HS3ST4: variants seen among roughly 807,000 people sequenced by gnomAD.
HS3ST4 encodes the protein heparan sulfate glucosamine 3-O-sulfotransferase 4.
Under a neutral mutation model 29.2 loss-of-function variants are expected in HS3ST4, and 17 were observed. The ratio of observed to expected loss-of-function variants is 0.58; its 90% CI spans 0.40 to 0.87. The LOEUF is 0.87. Ranked by LOEUF, HS3ST4 falls within the 40% of genes least tolerant of loss-of-function variation. HS3ST4 has a pLI of 0.00. For synonymous variants in HS3ST4, 314 were observed against 285.7 expected (o/e 1.10, Z -1.00); for missense variants, 627 against 634.5 (o/e 0.99, Z 0.13).
intron 1 of HS3ST4, among the ~76,000 whole-genome samples, chr16:25,717,054 TA>T (rs370022161): frequency 2.8e-4 from 41 of 146,976 alleles, no homozygotes; most frequent in African/African-American, 4.5e-4. Flanking sequence ...AACTTTGTCT[TA>T]AAAAAAAAAG....
intron 1 of HS3ST4, among the ~76,000 whole-genome samples, chr16:26,077,640 G>A (rs1247591887): frequency 6.6e-6 from 1 of 152,238 alleles, no homozygotes; most frequent in Non-Finnish European, 1.5e-5. Flanking sequence ...ACTGCTGGAT[G>A]TCCAGTTCCC....
At chr16:25,977,641 A>G (rs568980336) in intron 1 of HS3ST4, among the ~76,000 whole-genome samples, 1 of 152,232 alleles carries the variant, frequency 6.6e-6, no homozygotes, top group Non-Finnish European at 1.5e-5. Context: ...CTGTTCCCAA[A>G]CATAACACTA....
chr16:25,760,779 C>T (rs1387891994), intron 1 of HS3ST4, among the ~76,000 whole-genome samples: 1 of 152,162 alleles, frequency 6.6e-6, no homozygotes, highest in Non-Finnish European at 1.5e-5. Context: ...AATATAGTCA[C>T]ATTCTGAGGT....
intron 1 of HS3ST4, among the ~76,000 whole-genome samples, chr16:25,910,422 C>T (rs567858718): frequency 6.6e-6 from 1 of 152,188 alleles, no homozygotes; most frequent in Admixed American, 6.5e-5. Flanking sequence ...GGGCAGATCA[C>T]CTGAGGTCAG....
At chr16:25,953,139 T>C (rs897038930) in intron 1 of HS3ST4, among the ~76,000 whole-genome samples, 5 of 152,336 alleles carry the variant, frequency 3.3e-5, no homozygotes, top group East Asian at 3.9e-4. Flanking sequence ...AGCTGAGCCC[T>C]GGCTTGTCTC....
intron 1 of HS3ST4, among the ~76,000 whole-genome samples, chr16:26,117,016 C>T (rs1899210250): frequency 6.6e-6 from 1 of 152,182 alleles, no homozygotes; most frequent in African/African-American, 2.4e-5. Context: ...ACAGGCTATC[C>T]TCTTGTCTTT....
intron 1 of HS3ST4, among the ~76,000 whole-genome samples, chr16:25,765,231 C>T (rs866842286): frequency 8.5e-5 from 13 of 152,240 alleles, no homozygotes; most frequent in Middle Eastern, 3.4e-3. Flanking sequence ...GAAAAGGAAA[C>T]GAATTCTGGC....
At chr16:25,831,834 A>G (rs1455740746) in intron 1 of HS3ST4, among the ~76,000 whole-genome samples, 1 of 151,980 alleles carries the variant, frequency 6.6e-6, no homozygotes, top group Non-Finnish European at 1.5e-5. Context: ...GGCTGGGCAC[A>G]GTCACTCACA....
intron 1 of HS3ST4, among the ~76,000 whole-genome samples, chr16:26,121,015 C>T (rs990800085): frequency 9.2e-5 from 14 of 152,168 alleles, no homozygotes; most frequent in Non-Finnish European, 1.9e-4. Context: ...AACCACTAAG[C>T]CTTTTGATCC....
At chr16:25,828,946 A>G (rs1391591863) in intron 1 of HS3ST4, among the ~76,000 whole-genome samples, 1 of 152,222 alleles carries the variant, frequency 6.6e-6, no homozygotes, top group Admixed American at 6.5e-5. Flanking sequence ...AATGCACGTG[A>G]AAGTGCCTGT....
At chr16:26,074,176 GGA>G (rs1382781243) in intron 1 of HS3ST4, among the ~76,000 whole-genome samples, 5 of 152,122 alleles carry the variant, frequency 3.3e-5, no homozygotes, top group Admixed American at 2.6e-4. Flanking sequence ...TCTGAGGGCA[GGA>G]AACCTGTAGC....
At chr16:25,715,316 G>A (rs576268041) in intron 1 of HS3ST4, among the ~76,000 whole-genome samples, 28 of 125,554 alleles carry the variant, frequency 2.2e-4, no homozygotes, top group East Asian at 1.9e-3. Context: ...GCGACAGAGC[G>A]AGACTCCGTC....
chr16:26,098,602 G>A lies in HS3ST4; in HGVS notation c.735-37010G>A, dbSNP rs114261155. The stretch of plus-strand genomic sequence containing the variant: ...CCTGTCAGGGGGTGGCAGGCTGGGG[G>A]AGGGATGGCATTATGAAAAATACCT... On this transcript the variant is annotated intron_variant, in intron 1 of 1. Transcript: ENST00000331351. Among the ~76,000 whole-genome samples the A allele has an allele frequency of 5.2e-3, 784 of 152,222 alleles. 6 individuals carry two copies. The highest frequency in any genetic ancestry group is 0.018 in the African/African-American group (738 of 41,524).
intron 1 of HS3ST4, among the ~76,000 whole-genome samples, chr16:26,118,583 T>C (rs922934742): frequency 5.3e-5 from 8 of 152,204 alleles, no homozygotes; most frequent in Non-Finnish European, 7.4e-5. Context: ...ATCCTTAATT[T>C]TATTCAATTT....
At chr16:26,065,479 G>A (rs1052410558) in intron 1 of HS3ST4, among the ~76,000 whole-genome samples, 6 of 152,312 alleles carry the variant, frequency 3.9e-5, no homozygotes, top group African/African-American at 1.2e-4. Context: ...TCAGAGGCTG[G>A]AGGGTGGGAG....
chr16:25,873,384 A>G lies in HS3ST4; in HGVS notation c.734+180233A>G, dbSNP rs1426250607. On this transcript the variant is annotated intron_variant, in intron 1 of 1. Coordinates refer to ENST00000331351, the MANE Select transcript of HS3ST4 (RefSeq NM_006040.3). ...CACCTAGCAAGCCATCCAGTCATCC[A>G]TCCATCCATCCATCCATCCATCCAT... 1.5e-5 allele frequency among the ~76,000 whole-genome samples: 2 copies of G among 133,836 alleles called. 1 individual carries two copies. Among genetic ancestry groups the G allele is most frequent in the Non-Finnish European group, 3.2e-5 (2 of 63,418 alleles). 87.8% of individuals were successfully genotyped at this position (133,836 alleles called of 152,430 possible).
At chr16:25,833,426 C>G (rs1967325890) in intron 1 of HS3ST4, among the ~76,000 whole-genome samples, 1 of 152,082 alleles carries the variant, frequency 6.6e-6, no homozygotes, top group South Asian at 2.1e-4. Flanking sequence ...TTACTTTATC[C>G]ATTAAGTGGC....
chr16:25,901,214 A>C (rs1968117081), intron 1 of HS3ST4, among the ~76,000 whole-genome samples: 1 of 152,072 alleles, frequency 6.6e-6, no homozygotes, highest in South Asian at 2.1e-4. Flanking sequence ...TTCTGCCCTA[A>C]GACTTAGTAG....
At chr16:25,874,901 C>G (rs1967813760) in intron 1 of HS3ST4, among the ~76,000 whole-genome samples, 1 of 152,130 alleles carries the variant, frequency 6.6e-6, no homozygotes, top group African/African-American at 2.4e-5. Context: ...GCCTGTGCTT[C>G]AATTTACTTA....
Sources: allele counts gnomAD v4.1 joint callset (sites outside exome capture counted in the v4.1 genomes callset), GRCh38; gene constraint gnomAD v4.1.1; transcripts MANE v1.5; gene names NCBI Gene and HGNC (gene_info 2026-07-23, HGNC 2026-07-21).